Variants in EPHA3 observed in about 807,000 individuals in gnomAD.
The protein encoded by EPHA3 is ephrin type-A receptor 3.
EPHA3 carries 42 observed loss-of-function variants against 107.1 expected under a neutral mutation model. The observed-to-expected ratio is 0.39, with a 90% CI of 0.31 to 0.51. The LOEUF (loss-of-function observed/expected upper bound fraction) is 0.51, where lower values mean the gene tolerates loss of function less well. Ranked by LOEUF, EPHA3 falls within the 20% of genes least tolerant of loss-of-function variation. The pLI, the probability that EPHA3 is intolerant of heterozygous loss-of-function variation, is 0.78. For missense variants in EPHA3, 1,183 were observed against 1,211.2 expected, an observed-to-expected ratio of 0.98 and a Z score of 0.35; for synonymous variants, 461 against 424.8, an observed-to-expected ratio of 1.09 and a Z score of -1.05.
intron 15 of EPHA3, among the ~76,000 whole-genome samples, chr3:89,469,046 TTA>T (rs1710348372): frequency 1.3e-5 from 2 of 152,102 alleles, no homozygotes; most frequent in Non-Finnish European, 2.9e-5. Flanking sequence ...AAGGAAAAAA[TTA>T]ATATTTATAT....
intron 1 of EPHA3, among the ~76,000 whole-genome samples, chr3:89,108,377 A>T (rs1309043697): frequency 1.3e-5 from 2 of 152,210 alleles, no homozygotes; most frequent in African/African-American, 4.8e-5. Flanking sequence ...AGTTGTGTGT[A>T]TCCCGCCAGG....
At chr3:89,371,829 T>A (rs1161287058) in intron 5 of EPHA3, among the ~76,000 whole-genome samples, 2 of 151,604 alleles carry the variant, frequency 1.3e-5, no homozygotes, top group Non-Finnish European at 3.0e-5. Context: ...ATCTTTCATA[T>A]CCTAGTCAAC....
intron 3 of EPHA3, among the ~76,000 whole-genome samples, chr3:89,230,263 T>C (rs1704597820): frequency 6.6e-6 from 1 of 152,046 alleles, no homozygotes; most frequent in Non-Finnish European, 1.5e-5. Flanking sequence ...TTTTTCTGGG[T>C]GAAAATGGCC....
At position 89,473,418 on chromosome 3, in the gene EPHA3, CA is replaced by C. The variant is rs751260197; in HGVS notation, c.2846+804del. 2.6e-4 allele frequency among the ~76,000 whole-genome samples: 40 copies of C among 152,084 alleles called. 1 individual carries two copies. The highest frequency in any genetic ancestry group is 6.4e-3 in the Middle Eastern group (2 of 314). ...GAATCAAGTGAATCCAGTGAATAGT[CA>C]AAAATTTGGTTCTTATTCACAAAGT... On this transcript the variant is annotated intron_variant, in intron 16 of 16. Transcript: ENST00000336596.
intron 5 of EPHA3, among the ~76,000 whole-genome samples, chr3:89,382,752 A>G (rs1444736929): frequency 6.6e-6 from 1 of 152,164 alleles, no homozygotes; most frequent in Non-Finnish European, 1.5e-5. Context: ...GGATTAGGAC[A>G]GAAGAATATT....
chr3:89,179,276 C>A (rs995350658), intron 2 of EPHA3, among the ~76,000 whole-genome samples: 2 of 152,008 alleles, frequency 1.3e-5, no homozygotes, highest in African/African-American at 4.8e-5. Flanking sequence ...TCTCTGATAT[C>A]TCTTATTCCT....
chr3:89,282,480 C>T (rs1038774577), intron 3 of EPHA3, among the ~76,000 whole-genome samples: 21 of 151,864 alleles, frequency 1.4e-4, no homozygotes, highest in African/African-American at 5.1e-4. Context: ...TTTCTTTTCC[C>T]ACCTTTTTTT....
intron 3 of EPHA3, among the ~76,000 whole-genome samples, chr3:89,324,081 T>C (rs1405386156): frequency 1.3e-5 from 2 of 151,592 alleles, no homozygotes; most frequent in Admixed American, 6.6e-5. Flanking sequence ...CCTTTGCTCA[T>C]ATAGCCATTC....
At chr3:89,358,041 C>T (rs562953876) in intron 5 of EPHA3, among the ~76,000 whole-genome samples, 8 of 150,848 alleles carry the variant, frequency 5.3e-5, no homozygotes, top group East Asian at 1.9e-4. Flanking sequence ...TATTCATGTG[C>T]GTGTGTATAT....
At chr3:89,321,214 A>C (rs116120643) in intron 3 of EPHA3, among the ~76,000 whole-genome samples, 384 of 152,110 alleles carry the variant, frequency 2.5e-3, no homozygotes, top group African/African-American at 9.1e-3. Flanking sequence ...ATGTGAGTTG[A>C]AGAAGGAAGG....
intron 5 of EPHA3, among the ~76,000 whole-genome samples, chr3:89,354,238 T>G (rs992653313): frequency 6.6e-6 from 1 of 151,334 alleles, no homozygotes; most frequent in African/African-American, 2.4e-5. Context: ...CCTTAGGATA[T>G]AATAGCATCG....
chr3:89,321,357 A>G (rs1001081664), intron 3 of EPHA3, among the ~76,000 whole-genome samples: 1 of 152,074 alleles, frequency 6.6e-6, no homozygotes, highest in African/African-American at 2.4e-5. Context: ...GTCTGAAGCT[A>G]TTCCTTTTCC....
chr3:89,208,609 AGAAG>A (rs10600403), intron 2 of EPHA3, among the ~76,000 whole-genome samples: 87,241 of 147,716 alleles, frequency 0.59, 27,108 homozygotes, highest in Non-Finnish European at 0.69. Context: ...AAGGAAGGAA[AGAAG>A]GAAGGAAGGA....
intron 5 of EPHA3, among the ~76,000 whole-genome samples, chr3:89,371,600 G>T (rs979428073): frequency 6.6e-6 from 1 of 151,630 alleles, no homozygotes; most frequent in Non-Finnish European, 1.5e-5. Flanking sequence ...CTCCAGTTCA[G>T]TAATACACAA....
intron 1 of EPHA3, among the ~76,000 whole-genome samples, chr3:89,116,062 G>A (rs181879932): frequency 6.6e-6 from 1 of 152,084 alleles, no homozygotes; most frequent in African/African-American, 2.4e-5. Flanking sequence ...ATCTGCGTGT[G>A]GGGGGGACCC....
intron 3 of EPHA3, among the ~76,000 whole-genome samples, chr3:89,329,919 A>C (rs990675941): frequency 6.6e-6 from 1 of 152,004 alleles, no homozygotes; most frequent in Non-Finnish European, 1.5e-5. Context: ...AGTTTTTAAA[A>C]ATATTTTTAT....
At chr3:89,409,064 C>T (rs772157075) in intron 9 of EPHA3, among the ~76,000 whole-genome samples, 7 of 152,122 alleles carry the variant, frequency 4.6e-5, no homozygotes, top group Admixed American at 1.3e-4. Context: ...AGGAAGCATA[C>T]AGTAGCTTGA....
At chr3:89,415,239 C>A (rs565045891) in intron 10 of EPHA3, among the ~76,000 whole-genome samples, 3 of 150,884 alleles carry the variant, frequency 2.0e-5, no homozygotes, top group Non-Finnish European at 4.4e-5. Context: ...AATAAATAAA[C>A]CTGTATGTTA....
intron 16 of EPHA3, 117 bp from the exon 17 acceptor site, chr3:89,479,280 C>T: frequency 1.3e-6 from 1 of 766,884 alleles, no homozygotes; most frequent in Non-Finnish European, 2.2e-6. Flanking sequence ...ATGCAAATAT[C>T]AGACAATTAG....
Sources: allele counts gnomAD v4.1 joint callset (sites outside exome capture counted in the v4.1 genomes callset), GRCh38; gene constraint gnomAD v4.1.1; transcripts MANE v1.5; gene names NCBI Gene and HGNC (gene_info 2026-07-23, HGNC 2026-07-21).